The following C6orf89 variants were observed in gnomAD, a reference collection of about 807,000 sequenced individuals.
The protein encoded by C6orf89 is bombesin receptor-activated protein C6orf89.
Under a neutral mutation model 40.7 loss-of-function variants are expected in C6orf89, and 29 were observed. The ratio of observed to expected loss-of-function variants is 0.71; its 90% CI spans 0.53 to 0.97. The LOEUF (loss-of-function observed/expected upper bound fraction) is 0.97, where lower values mean the gene tolerates loss of function less well. C6orf89 is among the 50% of genes least tolerant of loss of function. The probability of loss-of-function intolerance (pLI) is 0.00; values close to 1 mark genes in which losing one functional copy is unlikely to be tolerated. For synonymous variants in C6orf89, 165 were observed against 152.2 expected, an observed-to-expected ratio of 1.08 and a Z score of -0.62; for missense variants, 392 against 429.1, an observed-to-expected ratio of 0.91 and a Z score of 0.76.
chr6:36,918,732 G>A (rs1762410275), intron 7 of C6orf89, among the ~76,000 whole-genome samples: 1 of 152,166 alleles, frequency 6.6e-6, no homozygotes, highest in East Asian at 1.9e-4. Context: ...ATCAAGGTAA[G>A]GAGAAATGTC....
chr6:36,897,129 CAA>C (rs34191608), intron 2 of C6orf89, among the ~76,000 whole-genome samples: 3,804 of 85,454 alleles, frequency 0.045, 133 homozygotes, highest in African/African-American at 0.16. Context: ...GACTCTGTCT[CAA>C]AAAAAAAAAA....
At chr6:36,878,441 C>A (rs1434803040) in intron 1 of C6orf89, among the ~76,000 whole-genome samples, 1 of 152,218 alleles carries the variant, frequency 6.6e-6, no homozygotes, top group Non-Finnish European at 1.5e-5. Flanking sequence ...CATTCCTTAT[C>A]TGTAAAATCT....
intron 1 of C6orf89, among the ~76,000 whole-genome samples, chr6:36,875,583 C>T (rs1275792073): frequency 1.3e-5 from 2 of 152,324 alleles, no homozygotes; most frequent in East Asian, 3.9e-4. Flanking sequence ...ATTAGAGGAG[C>T]TATAATGTTT....
chr6:36,914,361 C>T lies in C6orf89; in HGVS notation c.481C>T (p.Gln161Ter), dbSNP rs1317194363. 1.2e-6 allele frequency: 2 copies of T among 1,614,150 alleles called. No individual in the cohort carries two copies. Among genetic ancestry groups the T allele is most frequent in the Non-Finnish European group, 1.7e-6 (2 of 1,180,022 alleles). ...TCCTGCCAACTGCACTGGCTGTGCC[C>T]AGAAACACCTGAAGGTGATGCTCCT... is the stretch of plus-strand genomic sequence containing the variant. ...PIPANCTGCA[Q>*]KHLKVMLLED... is the part of the protein sequence containing the mutation. Residue 161 changes from glutamine to a stop codon, truncating the protein, a stop_gained, in exon 5 of 9, where the codon CAG becomes TAG. Transcript: ENST00000480824. LOFTEE classifies it high-confidence loss of function.
chr6:36,922,386 C>A (rs1175027605), intron 8 of C6orf89, among the ~76,000 whole-genome samples: 5 of 151,954 alleles, frequency 3.3e-5, no homozygotes, highest in Non-Finnish European at 7.4e-5. Flanking sequence ...GTATTGTAAA[C>A]TATAGGCACA....
upstream of C6orf89, chr6:36,885,930 TC>T: frequency 8.4e-7 from 1 of 1,187,570 alleles, no homozygotes; most frequent in Non-Finnish European, 1.1e-6. Context: ...GGGGGTTGCT[TC>T]CGGGTCGCGC....
At chr6:36,918,035 C>G (rs987230276) in intron 7 of C6orf89, among the ~76,000 whole-genome samples, 3 of 152,252 alleles carry the variant, frequency 2.0e-5, no homozygotes, top group Non-Finnish European at 4.4e-5. Context: ...CCCAAGCTCC[C>G]CTTTCCCCGC....
chr6:36,894,523 T>G lies in C6orf89; in HGVS notation c.-100T>G, dbSNP rs1022028222. On this transcript the variant is annotated 5_prime_UTR_variant, in exon 2 of 9. Transcript: ENST00000480824. ...TTGCAGGAATCATTGTAGTCAATCA[T>G]TTTCCAGTTCTCAGCCGCTCAGTTG... 7 of 985,228 alleles carry G rather than the reference T, an allele frequency of 7.1e-6. No individual in the cohort carries two copies. The East Asian group carries it at 7.9e-4, about 112-fold the overall frequency. The allele number at this position is 985,228 out of a possible 1,614,324, so 61.0% of individuals were successfully genotyped here.
At chr6:36,875,392 G>A (rs924553834) in intron 1 of C6orf89, among the ~76,000 whole-genome samples, 1 of 152,184 alleles carries the variant, frequency 6.6e-6, no homozygotes, top group African/African-American at 2.4e-5. Flanking sequence ...ATCCAAAGAC[G>A]AGGAGTCTGA....
chr6:36,912,187 C>T (rs931554729), intron 4 of C6orf89, among the ~76,000 whole-genome samples: 7 of 152,154 alleles, frequency 4.6e-5, no homozygotes, highest in Non-Finnish European at 8.8e-5. Flanking sequence ...CCCCACTGCA[C>T]GCCCAGCATC....
chr6:36,927,944 G>T lies in C6orf89; in HGVS notation c.*4503G>T, dbSNP rs1304104853. 1 of 152,240 alleles carries T rather than the reference G, an allele frequency of 6.6e-6. No individual in the cohort carries two copies. The highest frequency in any genetic ancestry group is 2.4e-5 in the African/African-American group (1 of 41,432). The allele number at this position is 152,240 out of a possible 1,614,324, so 9.4% of individuals were successfully genotyped here. ...CACCACATCCAAGTCCACCCACCGTGGACGCAGTGTGACTAAATGCTGGCC... is the reference window on the plus strand; with the variant it reads ...CACCACATCCAAGTCCACCCACCGTTGACGCAGTGTGACTAAATGCTGGCC... On this transcript the variant is annotated 3_prime_UTR_variant, in exon 9 of 9. Coordinates refer to ENST00000480824, the MANE Select transcript of C6orf89 (RefSeq NM_001286635.2).
intron 2 of C6orf89, among the ~76,000 whole-genome samples, chr6:36,897,400 A>T (rs1409404109): frequency 6.6e-6 from 1 of 152,180 alleles, no homozygotes; most frequent in East Asian, 1.9e-4. Flanking sequence ...CCCTGAAAAT[A>T]CTGTATTTTC....
chr6:36,878,644 C>CTA (rs1408178987), intron 1 of C6orf89, among the ~76,000 whole-genome samples: 1 of 151,902 alleles, frequency 6.6e-6, no homozygotes, highest in Non-Finnish European at 1.5e-5. Flanking sequence ...TGTGGATGAA[C>CTA]TATAACCTAG....
In C6orf89 at chr6:36,924,232, G is replaced by T. The variant is rs1253938813; in HGVS notation, c.*791G>T. Reference sequence around the variant, plus strand: ...GGCGGGGCCAGAGCCCACTACTGCTGAGGCAGCACTGCTCTCGTCAGCTGT... The same window carrying T: ...GGCGGGGCCAGAGCCCACTACTGCTTAGGCAGCACTGCTCTCGTCAGCTGT... On this transcript the variant is annotated 3_prime_UTR_variant, in exon 9 of 9. Coordinates refer to ENST00000480824, the MANE Select transcript of C6orf89 (RefSeq NM_001286635.2). The T allele has an allele frequency of 6.5e-6, 1 of 153,890 alleles. No homozygotes were observed. The highest frequency in any genetic ancestry group is 2.4e-5 in the African/African-American group (1 of 41,480). 9.5% of individuals were successfully genotyped at this position (153,890 alleles called of 1,614,324 possible).
chr6:36,887,045 A>C (rs1775018612), intron 1 of C6orf89, among the ~76,000 whole-genome samples: 1 of 152,094 alleles, frequency 6.6e-6, no homozygotes, highest in African/African-American at 2.4e-5. Context: ...CACCAGAAAC[A>C]ATGTCCAAAT....
Position 36,919,467 on chromosome 6 carries a change from A to G in C6orf89, c.826-111A>G, listed in dbSNP as rs577774092. 7.2e-5 allele frequency: 95 copies of G among 1,319,168 alleles called. 2 individuals are homozygous for G. In the South Asian group the frequency reaches 8.3e-4, roughly 12 times the overall value. 81.7% of individuals were successfully genotyped at this position (1,319,168 alleles called of 1,614,324 possible). A position where few individuals can be genotyped will look rare whatever the true frequency, so the allele number is the denominator to read the frequency against. ...TATTGGTTCTATTTCCTCTTTGCTT[A>G]TGCTAGGAAACTCAGAGCCATATGT... On this transcript the variant is annotated intron_variant, in intron 7 of 8. Transcript: ENST00000480824.
At chr6:36,878,844 G>A (rs1463718607) in intron 1 of C6orf89, among the ~76,000 whole-genome samples, 1 of 152,112 alleles carries the variant, frequency 6.6e-6, no homozygotes, top group Admixed American at 6.5e-5. Flanking sequence ...TCCTATTGCT[G>A]TACGTTAGTT....
At chr6:36,891,198 G>A (rs1355496375) in intron 1 of C6orf89, among the ~76,000 whole-genome samples, 1 of 152,056 alleles carries the variant, frequency 6.6e-6, no homozygotes, top group Non-Finnish European at 1.5e-5. Flanking sequence ...CTGTGTCCAA[G>A]TGTTCTCATT....
intron 4 of C6orf89, among the ~76,000 whole-genome samples, chr6:36,910,405 C>T (rs1162044351): frequency 6.6e-6 from 1 of 151,930 alleles, no homozygotes; most frequent in Non-Finnish European, 1.5e-5. Context: ...TTGAATCTAC[C>T]CTTTCCTCAC....
Sources: allele counts gnomAD v4.1 joint callset (sites outside exome capture counted in the v4.1 genomes callset), GRCh38; gene constraint gnomAD v4.1.1; transcripts MANE v1.5; gene names NCBI Gene and HGNC (gene_info 2026-07-23, HGNC 2026-07-21).